PKIB: variants seen among roughly 807,000 people sequenced by gnomAD.
PKIB encodes the protein cAMP-dependent protein kinase inhibitor beta, also known as PKI-beta.
PKIB carries 2 observed loss-of-function variants against 4.5 expected under a neutral mutation model. That is an observed-to-expected ratio of 0.44 (90% CI 0.18 to 1.39). The LOEUF (loss-of-function observed/expected upper bound fraction) is 1.39, where lower values mean the gene tolerates loss of function less well. PKIB is among the 40% of genes most tolerant of loss of function. The pLI is 0.27. For synonymous variants in PKIB, 38 were observed against 36.0 expected (o/e 1.06, Z -0.20); for missense variants, 94 against 92.6 (o/e 1.02, Z -0.06).
intron 2 of PKIB, among the ~76,000 whole-genome samples, chr6:122,669,437 C>A (rs1439149293): frequency 6.6e-6 from 1 of 152,026 alleles, no homozygotes; most frequent in African/African-American, 2.4e-5. Context: ...AATCATTAAC[C>A]CTTTCCTATG....
At chr6:122,627,244 CA>C (rs1172995969) in intron 1 of PKIB, among the ~76,000 whole-genome samples, 182 of 128,996 alleles carry the variant, frequency 1.4e-3, no homozygotes, top group Admixed American at 1.6e-3. Flanking sequence ...ACTCCGTCTC[CA>C]AAAAAAAAAA....
At chr6:122,634,157 A>G (rs1479893589) in intron 2 of PKIB, among the ~76,000 whole-genome samples, 1 of 152,080 alleles carries the variant, frequency 6.6e-6, no homozygotes, top group African/African-American at 2.4e-5. Flanking sequence ...GGATTAAACA[A>G]TGAGAACACA....
chr6:122,703,017 T>G (rs919914581), intron 3 of PKIB, among the ~76,000 whole-genome samples: 1 of 152,190 alleles, frequency 6.6e-6, no homozygotes, highest in Non-Finnish European at 1.5e-5. Flanking sequence ...ACTTGTAACT[T>G]TTGTTTAAAG....
intron 1 of PKIB, among the ~76,000 whole-genome samples, chr6:122,475,791 A>C (rs1775439501): frequency 6.6e-6 from 1 of 152,156 alleles, no homozygotes; most frequent in Non-Finnish European, 1.5e-5. Flanking sequence ...GTCTCAAAAA[A>C]AACAAGTAAA....
intron 1 of PKIB, among the ~76,000 whole-genome samples, chr6:122,629,328 T>G (rs188641675): frequency 3.3e-5 from 5 of 152,314 alleles, no homozygotes; most frequent in Admixed American, 3.3e-4. Flanking sequence ...TGACCCAATC[T>G]GGAACAATTT....
At chr6:122,718,601 T>G (rs533267045) in intron 4 of PKIB, among the ~76,000 whole-genome samples, 1 of 152,320 alleles carries the variant, frequency 6.6e-6, no homozygotes, top group East Asian at 1.9e-4. Flanking sequence ...AAAGATCATT[T>G]TAGTTCCAAG....
intron 2 of PKIB, among the ~76,000 whole-genome samples, chr6:122,541,088 G>A (rs778756750): frequency 1.4e-3 from 213 of 151,226 alleles, no homozygotes; most frequent in Admixed American, 3.0e-3. Flanking sequence ...CTGCACGTGA[G>A]ATGGGTTTCC....
intron 3 of PKIB, among the ~76,000 whole-genome samples, chr6:122,590,389 A>C (rs984275500): frequency 1.3e-5 from 2 of 152,160 alleles, no homozygotes; most frequent in Non-Finnish European, 2.9e-5. Flanking sequence ...TGGGTAAGTT[A>C]TTTACTCTAT....
intron 2 of PKIB, among the ~76,000 whole-genome samples, chr6:122,553,011 T>C (rs558336398): frequency 6.6e-6 from 1 of 152,292 alleles, no homozygotes; most frequent in African/African-American, 2.4e-5. Context: ...TCTTCGTTTA[T>C]CCCTATCTCC....
At chr6:122,491,504 C>A (rs563795835) in intron 2 of PKIB, among the ~76,000 whole-genome samples, 112 of 152,216 alleles carry the variant, frequency 7.4e-4, no homozygotes, top group Middle Eastern at 3.4e-3. Context: ...TCTCCTCCCC[C>A]GCTCATGCCT....
intron 2 of PKIB, among the ~76,000 whole-genome samples, chr6:122,524,210 TCCTCCTCCC>T (rs1334394373): frequency 6.8e-6 from 1 of 146,764 alleles, no homozygotes; most frequent in East Asian, 2.1e-4. Context: ...TTCTTCTTCC[TCCTCCTCCC>T]CCTCCTCCTC....
At chr6:122,633,613 G>T (rs886403415) in intron 2 of PKIB, among the ~76,000 whole-genome samples, 3 of 152,118 alleles carry the variant, frequency 2.0e-5, no homozygotes, top group African/African-American at 2.4e-5. Context: ...ATCTGCCAGG[G>T]ATAAGTGAGC....
chr6:122,628,023 A>G (rs1220895438), intron 1 of PKIB, among the ~76,000 whole-genome samples: 1 of 151,710 alleles, frequency 6.6e-6, no homozygotes, highest in Admixed American at 6.6e-5. Context: ...ATTCTATTGT[A>G]TATCGAGTGT....
At chr6:122,557,919 T>C (rs1326758336) in intron 2 of PKIB, among the ~76,000 whole-genome samples, 1 of 152,216 alleles carries the variant, frequency 6.6e-6, no homozygotes, top group Admixed American at 6.5e-5. Context: ...CTTACCCCGT[T>C]GCACTTATAG....
chr6:122,506,250 A>T (rs1418789286), intron 2 of PKIB, among the ~76,000 whole-genome samples: 1 of 152,186 alleles, frequency 6.6e-6, no homozygotes, highest in Non-Finnish European at 1.5e-5. Context: ...ATAGTTTGAT[A>T]ATTAGGTCGA....
At chr6:122,527,756 C>T (rs1433861060) in intron 2 of PKIB, among the ~76,000 whole-genome samples, 5 of 152,144 alleles carry the variant, frequency 3.3e-5, no homozygotes, top group African/African-American at 1.2e-4. Context: ...TAAAATGTGA[C>T]ATGAGGCACA....
intron 1 of PKIB, among the ~76,000 whole-genome samples, chr6:122,615,904 G>T (rs9490497): frequency 0.12 from 18,698 of 152,158 alleles, 1,348 homozygotes; most frequent in Non-Finnish European, 0.15. Flanking sequence ...TTGGATTGCT[G>T]CCATTCTGAA....
chr6:122,654,328 T>C (rs1456698345), intron 2 of PKIB, among the ~76,000 whole-genome samples: 1 of 152,178 alleles, frequency 6.6e-6, no homozygotes, highest in Non-Finnish European at 1.5e-5. Flanking sequence ...TAGTACAGGA[T>C]AGATGCAAAG....
intron 3 of PKIB, among the ~76,000 whole-genome samples, chr6:122,685,408 A>G (rs1350357423): frequency 6.6e-6 from 1 of 152,190 alleles, no homozygotes; most frequent in African/African-American, 2.4e-5. Flanking sequence ...CAAAATGCCC[A>G]TTCTATTTGG....
Sources: allele counts gnomAD v4.1 joint callset (sites outside exome capture counted in the v4.1 genomes callset), GRCh38; gene constraint gnomAD v4.1.1; transcripts MANE v1.5; gene names NCBI Gene and HGNC (gene_info 2026-07-23, HGNC 2026-07-21).